CNTNAP4: variants seen among roughly 807,000 people sequenced by gnomAD.
The protein encoded by CNTNAP4 is contactin associated protein family member 4, also known as contactin-associated protein-like 4.
In CNTNAP4, 98 loss-of-function variants were observed where a neutral mutation model predicts 148.4. The observed-to-expected ratio is 0.66, with a 90% CI of 0.56 to 0.78. The LOEUF (loss-of-function observed/expected upper bound fraction) is 0.78, where lower values mean the gene tolerates loss of function less well. CNTNAP4 is among the 30% of genes least tolerant of loss of function. The probability of loss-of-function intolerance (pLI) is 0.00; values close to 1 mark genes in which losing one functional copy is unlikely to be tolerated. For missense variants in CNTNAP4, 1,935 were observed against 1,565.6 expected, an observed-to-expected ratio of 1.24 and a Z score of -3.98; for synonymous variants, 730 against 565.1, an observed-to-expected ratio of 1.29 and a Z score of -4.14.
chr16:76,328,159 T>C (rs1378220828), intron 2 of CNTNAP4, among the ~76,000 whole-genome samples: 1 of 152,206 alleles, frequency 6.6e-6, no homozygotes, highest in Non-Finnish European at 1.5e-5. Context: ...ACACTGTACA[T>C]TATTGGACTT....
chr16:76,529,175 T>G (rs1432808156), intron 17 of CNTNAP4, among the ~76,000 whole-genome samples: 1 of 152,226 alleles, frequency 6.6e-6, no homozygotes. Context: ...GTAGCCTGTC[T>G]TTCTCCATTT....
intron 15 of CNTNAP4, among the ~76,000 whole-genome samples, chr16:76,506,476 C>CTT (rs1237064108): frequency 3.2e-4 from 14 of 43,204 alleles, no homozygotes; most frequent in Non-Finnish European, 6.6e-4. Flanking sequence ...TCTTCCGTTC[C>CTT]TTTTTTTTTT....
At chr16:76,305,823 C>G (rs1960422893) in intron 1 of CNTNAP4, among the ~76,000 whole-genome samples, 1 of 152,168 alleles carries the variant, frequency 6.6e-6, no homozygotes, top group East Asian at 1.9e-4. Flanking sequence ...TCTCCCCACT[C>G]AAGTAGTCTG....
intron 17 of CNTNAP4, among the ~76,000 whole-genome samples, chr16:76,529,582 A>G (rs1031316982): frequency 2.1e-4 from 32 of 152,248 alleles, no homozygotes; most frequent in African/African-American, 7.7e-4. Context: ...CAGCTCCGCA[A>G]TTTTTGTTTC....
intron 3 of CNTNAP4, among the ~76,000 whole-genome samples, chr16:76,387,986 C>T (rs1392311986): frequency 6.6e-6 from 1 of 152,076 alleles, no homozygotes; most frequent in Non-Finnish European, 1.5e-5. Flanking sequence ...TGCTGAAACC[C>T]AATACTATGT....
At chr16:76,290,109 G>A (rs9941033) in intron 1 of CNTNAP4, among the ~76,000 whole-genome samples, 2 of 151,940 alleles carry the variant, frequency 1.3e-5, no homozygotes, top group Non-Finnish European at 2.9e-5. Flanking sequence ...TGTGCCCTGT[G>A]TTATTTTATT....
intron 3 of CNTNAP4, among the ~76,000 whole-genome samples, chr16:76,377,838 A>G (rs1420346076): frequency 6.6e-6 from 1 of 152,234 alleles, no homozygotes; most frequent in Non-Finnish European, 1.5e-5. Flanking sequence ...AGCATGTGGG[A>G]AAAGTTAGCA....
chr16:76,478,261 C>A (rs906620295), intron 11 of CNTNAP4, among the ~76,000 whole-genome samples: 1 of 152,170 alleles, frequency 6.6e-6, no homozygotes, highest in Non-Finnish European at 1.5e-5. Context: ...CAAGCTCTTT[C>A]AAGGACTTTA....
rs147046906 is a variant in CNTNAP4 at position 76,346,099 on chromosome 16, A to G, written c.197-9219A>G. Among the ~76,000 whole-genome samples, 4 of 152,316 alleles carry G rather than the reference A, an allele frequency of 2.6e-5. No homozygotes were observed. The East Asian group carries it at 7.7e-4, about 29-fold the overall frequency. On this transcript the variant is annotated intron_variant, in intron 2 of 23. Transcript: ENST00000611870. ...ATAAATAAATAAAGCATGTAATTCT[A>G]TAAGATATGTGTATTCAAGACCGAA...
chr16:76,419,043 T>A (rs2144978721), intron 3 of CNTNAP4, among the ~76,000 whole-genome samples: 1 of 152,146 alleles, frequency 6.6e-6, no homozygotes, highest in Non-Finnish European at 1.5e-5. Flanking sequence ...GGTGGTTCGA[T>A]GTGTAAGAGG....
At chr16:76,516,135 C>G (rs2083243984) in intron 15 of CNTNAP4, among the ~76,000 whole-genome samples, 1 of 147,766 alleles carries the variant, frequency 6.8e-6, no homozygotes, top group Non-Finnish European at 1.5e-5. Flanking sequence ...ATGTTCCCCT[C>G]TCTGTGTCCA....
At chr16:76,471,330 G>T (rs556752550) in intron 10 of CNTNAP4, among the ~76,000 whole-genome samples, 83 of 152,326 alleles carry the variant, frequency 5.4e-4, no homozygotes, top group Non-Finnish European at 1.1e-3. Flanking sequence ...TTACAAAGTT[G>T]CTTGGACGTA....
intron 12 of CNTNAP4, among the ~76,000 whole-genome samples, chr16:76,484,792 G>A (rs543459584): frequency 1.1e-3 from 161 of 152,266 alleles, no homozygotes; most frequent in African/African-American, 3.5e-3. Flanking sequence ...GCAGCCAATA[G>A]CATATCTTCT....
At chr16:76,525,749 T>C (rs2083701579) in intron 17 of CNTNAP4, among the ~76,000 whole-genome samples, 1 of 2,586 alleles carries the variant, frequency 3.9e-4, no homozygotes, top group Admixed American at 0.012. Flanking sequence ...TTGTATATAA[T>C]ATAGCTTATA....
At chr16:76,415,252 A>C (rs1040190998) in intron 3 of CNTNAP4, among the ~76,000 whole-genome samples, 1 of 151,242 alleles carries the variant, frequency 6.6e-6, no homozygotes, top group African/African-American at 2.4e-5. Context: ...ACATCTTCTT[A>C]CTACTTCCCT....
chr16:76,382,234 C>G (rs1026801573), intron 3 of CNTNAP4, among the ~76,000 whole-genome samples: 1 of 151,446 alleles, frequency 6.6e-6, no homozygotes, highest in African/African-American at 2.4e-5. Flanking sequence ...AAATATAAAG[C>G]CATTTCTAAA....
intron 15 of CNTNAP4, among the ~76,000 whole-genome samples, chr16:76,517,882 G>T (rs2083308737): frequency 6.6e-6 from 1 of 150,638 alleles, no homozygotes; most frequent in Admixed American, 6.6e-5. Flanking sequence ...CCATAAGCCT[G>T]TTTTTTTTTA....
At chr16:76,372,130 C>T (rs2144635150) in intron 3 of CNTNAP4, among the ~76,000 whole-genome samples, 1 of 146,566 alleles carries the variant, frequency 6.8e-6, no homozygotes, top group South Asian at 2.1e-4. Flanking sequence ...GGTTGTGTTC[C>T]AGCCCAAATT....
intron 3 of CNTNAP4, among the ~76,000 whole-genome samples, chr16:76,358,095 A>G (rs2012923286): frequency 6.6e-6 from 1 of 152,164 alleles, no homozygotes. Context: ...GGGCTTTGGG[A>G]GGCCAAGGTG....
Sources: gnomAD v4.1 joint callset for allele counts (sites outside exome capture counted in the v4.1 genomes callset) on GRCh38, gnomAD v4.1.1 for gene constraint, MANE v1.5 for transcripts, NCBI Gene and HGNC (gene_info 2026-07-23, HGNC 2026-07-21) for gene names.